Variants in SNRPN observed in about 807,000 individuals in gnomAD.
The protein encoded by SNRPN is small nuclear ribonucleoprotein-associated protein N.
A neutral mutation model predicts 25.2 loss-of-function variants in SNRPN; 7 were observed. The ratio of observed to expected loss-of-function variants is 0.28; its 90% CI spans 0.16 to 0.52. SNRPN has a LOEUF of 0.52. Among genes scored for constraint, SNRPN ranks in the 20% least tolerant of loss-of-function variants. SNRPN has a pLI of 0.96. For missense variants in SNRPN, 196 were observed against 322.5 expected (o/e 0.61, Z 3.00); for synonymous variants, 124 against 110.6 (o/e 1.12, Z -0.76).
rs971757570 is a variant in SNRPN, at chr15:24,976,800, G to A, written c.268-77G>A. 8 of 1,320,284 alleles carry A rather than the reference G, an allele frequency of 6.1e-6. No homozygotes were observed. In the South Asian group the frequency reaches 1.0e-4, roughly 17 times the overall value. 81.8% of individuals were successfully genotyped at this position (1,320,284 alleles called of 1,614,324 possible). On this transcript the variant is annotated intron_variant, in intron 6 of 9. Coordinates refer to ENST00000390687, the MANE Select transcript of SNRPN (RefSeq NM_003097.6). ...AGGTGTCATGGGAAAATGGTGGAGA[G>A]AAGTGATCTCTGATGAATAAGAATA...
At chr15:24,883,877 A>G (rs571715383) in intron 1 of SNRPN, among the ~76,000 whole-genome samples, 1 of 151,468 alleles carries the variant, frequency 6.6e-6, no homozygotes. Context: ...CCGGGCATTT[A>G]TGCCTGTAGT....
intron 2 of SNRPN, among the ~76,000 whole-genome samples, chr15:24,831,549 C>T (rs2050519637): frequency 6.6e-6 from 1 of 151,870 alleles, no homozygotes; most frequent in Non-Finnish European, 1.5e-5. Context: ...CTATAGTTAC[C>T]ATGTTGTACA....
chr15:24,854,805 C>T (rs1246183966), upstream of SNRPN, among the ~76,000 whole-genome samples: 2 of 152,050 alleles, frequency 1.3e-5, no homozygotes, highest in Non-Finnish European at 2.9e-5. Context: ...GAGTTCAAGA[C>T]CTTTGGGCAA....
At chr15:24,846,424 C>G (rs182857008) in intron 2 of SNRPN, among the ~76,000 whole-genome samples, 2 of 152,182 alleles carry the variant, frequency 1.3e-5, no homozygotes, top group Admixed American at 1.3e-4. Context: ...AAAAACATTT[C>G]TCCTTTATTT....
At chr15:24,830,163 C>A (rs2050400654) in intron 2 of SNRPN, among the ~76,000 whole-genome samples, 1 of 152,020 alleles carries the variant, frequency 6.6e-6, no homozygotes. Context: ...GTATACCTAG[C>A]AATACTTAAC....
Position 24,962,205 on chromosome 15 carries a change from C to G in SNRPN, c.-299C>G, listed in dbSNP as rs1289403288. ...CAGAAGGACTGCCTCACTGAGCAAC[C>G]AAGAGTGAGTACAGACTGTGTTGGG... On this transcript the variant is annotated 5_prime_UTR_variant, in exon 2 of 10. Coordinates refer to ENST00000390687, the MANE Select transcript of SNRPN (RefSeq NM_003097.6). 1 of 1,613,040 alleles carries G rather than the reference C, an allele frequency of 6.2e-7. No individual in the cohort carries two copies. The highest frequency in any genetic ancestry group is 8.5e-7 in the Non-Finnish European group (1 of 1,179,104).
chr15:24,883,106 G>A (rs1442405605), intron 1 of SNRPN, among the ~76,000 whole-genome samples: 1 of 152,172 alleles, frequency 6.6e-6, no homozygotes, highest in African/African-American at 2.4e-5. Context: ...TCATAAAGTT[G>A]AAAAATTGTA....
At chr15:24,831,250 C>A (rs149100653) in intron 2 of SNRPN, among the ~76,000 whole-genome samples, 23 of 151,968 alleles carry the variant, frequency 1.5e-4, no homozygotes, top group African/African-American at 4.8e-4. Flanking sequence ...TAAAGCTATG[C>A]CTGCTTTCTT....
chr15:24,948,150 C>T (rs1476829883), intron 3 of SNRPN, among the ~76,000 whole-genome samples: 4 of 151,760 alleles, frequency 2.6e-5, no homozygotes, highest in South Asian at 2.1e-4. Flanking sequence ...CTCACTCTGT[C>T]GCTCAGGCTG....
chr15:24,878,368 G>A (rs1173290944), intron 1 of SNRPN, among the ~76,000 whole-genome samples: 2 of 151,564 alleles, frequency 1.3e-5, no homozygotes, highest in Admixed American at 6.6e-5. Context: ...TGCGCTACGG[G>A]AAGGTCACCT....
At chr15:24,972,541 C>CTTTTT (rs755600861) in intron 3 of SNRPN, among the ~76,000 whole-genome samples, 3 of 112,216 alleles carry the variant, frequency 2.7e-5, no homozygotes, top group Non-Finnish European at 3.8e-5. Context: ...TTAGAGTATT[C>CTTTTT]TTTTTTTTTT....
chr15:24,974,048 G>T (rs2554426), intron 3 of SNRPN, among the ~76,000 whole-genome samples: 30,338 of 152,116 alleles, frequency 0.2, 5,677 homozygotes, highest in African/African-American at 0.51. Flanking sequence ...TACTAAATTT[G>T]GGAAAATGAC....
intron 1 of SNRPN, among the ~76,000 whole-genome samples, chr15:24,860,404 C>A (rs550479010): frequency 2.1e-3 from 316 of 152,116 alleles, no homozygotes; most frequent in African/African-American, 7.4e-3. Context: ...TTGTGGGAAA[C>A]AAATGGAGGA....
chr15:24,844,148 G>A (rs1566816897), intron 2 of SNRPN, among the ~76,000 whole-genome samples: 2 of 151,878 alleles, frequency 1.3e-5, no homozygotes, highest in Non-Finnish European at 2.9e-5. Flanking sequence ...GTGTGTGTGT[G>A]TGTTTGTGTG....
At chr15:24,901,095 C>CA (rs898957154) in intron 2 of SNRPN, among the ~76,000 whole-genome samples, 2 of 152,050 alleles carry the variant, frequency 1.3e-5, no homozygotes, top group African/African-American at 2.4e-5. Context: ...GACCCTGTCT[C>CA]AAAAAATTAA....
intron 1 of SNRPN, among the ~76,000 whole-genome samples, chr15:24,957,245 T>G (rs2063085213): frequency 6.6e-6 from 1 of 152,200 alleles, no homozygotes; most frequent in Admixed American, 6.5e-5. Context: ...TGATGGCTCT[T>G]CCCGACTAAG....
intron 2 of SNRPN, among the ~76,000 whole-genome samples, chr15:24,889,818 G>A (rs986142352): frequency 7.9e-5 from 12 of 151,874 alleles, no homozygotes; most frequent in Non-Finnish European, 1.3e-4. Flanking sequence ...GGGAGGCCAA[G>A]GCAGGTGGAT....
At chr15:24,947,676 G>A (rs955981700) in intron 3 of SNRPN, among the ~76,000 whole-genome samples, 1 of 152,090 alleles carries the variant, frequency 6.6e-6, no homozygotes, top group Non-Finnish European at 1.5e-5. Context: ...TTTATATTTT[G>A]TTTTGTCATA....
intron 3 of SNRPN, among the ~76,000 whole-genome samples, chr15:24,933,738 G>A (rs1195509125): frequency 1.3e-5 from 2 of 152,246 alleles, no homozygotes; most frequent in Non-Finnish European, 2.9e-5. Context: ...GAGACAAGGT[G>A]TGGGGTCTAC....
Sources: allele counts gnomAD v4.1 joint callset (sites outside exome capture counted in the v4.1 genomes callset), GRCh38; gene constraint gnomAD v4.1.1; transcripts MANE v1.5; gene names NCBI Gene and HGNC (gene_info 2026-07-23, HGNC 2026-07-21).